The following RBM33 variants were observed in gnomAD, a reference collection of about 807,000 sequenced individuals.
RBM33 encodes the protein RNA-binding protein 33.
Under a neutral mutation model 132.6 loss-of-function variants are expected in RBM33, and 28 were observed. The ratio of observed to expected loss-of-function variants is 0.21; its 90% confidence interval spans 0.16 to 0.29. The LOEUF is 0.29. Among genes scored for constraint, RBM33 ranks in the 10% least tolerant of loss-of-function variants. The pLI is 1.00. For synonymous variants in RBM33, 634 were observed against 593.0 expected, an observed-to-expected ratio of 1.07 and a Z score of -1.01; for missense variants, 1,291 against 1,518.5, an observed-to-expected ratio of 0.85 and a Z score of 2.49.
intron 9 of RBM33, among the ~76,000 whole-genome samples, chr7:155,723,733 G>A (rs1800693201): frequency 6.6e-6 from 1 of 152,156 alleles, no homozygotes; most frequent in Non-Finnish European, 1.5e-5. Context: ...AAAGGCCAGG[G>A]GTACTCCTTG....
intron 14 of RBM33, among the ~76,000 whole-genome samples, chr7:155,762,919 C>T (rs1354618573): frequency 1.3e-5 from 2 of 152,206 alleles, no homozygotes; most frequent in Non-Finnish European, 2.9e-5. Context: ...CGGTGTCTGC[C>T]GTCCTTGCTG....
intron 11 of RBM33, 177 bp downstream of exon 11, chr7:155,738,580 C>G (rs1468735921): frequency 1.6e-6 from 1 of 628,670 alleles, no homozygotes; most frequent in Non-Finnish European, 2.6e-6. Context: ...TTACTTATCT[C>G]AATACAAGAA....
rs1029024239 is a variant in RBM33, at chr7:155,728,767, A to G, written c.1261-8763A>G. Among the ~76,000 whole-genome samples, 8 of 152,328 alleles carry G rather than the reference A, an allele frequency of 5.3e-5. No individual in the cohort carries two copies. The South Asian group carries it at 1.0e-3, about 20-fold the overall frequency. The stretch of plus-strand genomic sequence containing the variant: ...GATTAGGGACTGATTAGGGAATGTG[A>G]GAAAAATCCCTCCCCATTTGCTGTT... On this transcript the variant is annotated intron_variant, in intron 9 of 17. Coordinates refer to ENST00000401878, the MANE Select transcript of RBM33 (RefSeq NM_053043.3).
At chr7:155,763,541 A>G (rs1038380701) in intron 14 of RBM33, among the ~76,000 whole-genome samples, 2 of 152,244 alleles carry the variant, frequency 1.3e-5, no homozygotes, top group African/African-American at 2.4e-5. Context: ...GAATTCGACA[A>G]CATTTATTTT....
Position 155,735,029 on chromosome 7 carries a change from T to C in RBM33, c.1261-2501T>C, listed in dbSNP as rs143819400. ...AACTTACGATGGGGTTACATTAGGA[T>C]GAGGCCGCTGTAAGTTGCAAACATC... On this transcript the variant is annotated intron_variant, in intron 9 of 17. Coordinates refer to ENST00000401878, the MANE Select transcript of RBM33 (RefSeq NM_053043.3). 5.8e-3 allele frequency among the ~76,000 whole-genome samples: 881 copies of C among 152,330 alleles called. 12 individuals are homozygous for C. Among genetic ancestry groups the C allele is most frequent in the African/African-American group, 0.02 (849 of 41,562 alleles).
chr7:155,661,512 A>G (rs1244635382), intron 1 of RBM33, among the ~76,000 whole-genome samples: 1 of 151,120 alleles, frequency 6.6e-6, no homozygotes, highest in East Asian at 1.9e-4. Context: ...GGTTCAAGCA[A>G]TTCTCTTGGC....
chr7:155,658,692 C>T (rs573035015), intron 1 of RBM33, among the ~76,000 whole-genome samples: 3 of 152,338 alleles, frequency 2.0e-5, no homozygotes, highest in South Asian at 4.1e-4. Context: ...AGCCACCGCG[C>T]CCGGCTGCTT....
At chr7:155,653,530 C>G (rs540695287) in intron 1 of RBM33, among the ~76,000 whole-genome samples, 1 of 151,924 alleles carries the variant, frequency 6.6e-6, no homozygotes, top group African/African-American at 2.4e-5. Context: ...AAAACTAACC[C>G]CATGTTAAGA....
chr7:155,658,198 G>A (rs1018547204), intron 1 of RBM33, among the ~76,000 whole-genome samples: 3 of 151,860 alleles, frequency 2.0e-5, no homozygotes, highest in African/African-American at 4.8e-5. Context: ...CCCTTTGATC[G>A]GTATACAGTA....
At chr7:155,725,045 T>C (rs1800749231) in intron 9 of RBM33, among the ~76,000 whole-genome samples, 1 of 150,492 alleles carries the variant, frequency 6.6e-6, no homozygotes, top group East Asian at 2.0e-4. Flanking sequence ...TGTACAGATT[T>C]TTTTTGTGAA....
chr7:155,664,355 G>A (rs535306919), intron 1 of RBM33, among the ~76,000 whole-genome samples: 2 of 151,906 alleles, frequency 1.3e-5, no homozygotes, highest in East Asian at 1.9e-4. Context: ...CGGTTCAAGC[G>A]ATTCTCCTGC....
intron 3 of RBM33, among the ~76,000 whole-genome samples, chr7:155,677,886 C>A (rs948472338): frequency 6.6e-6 from 1 of 151,986 alleles, no homozygotes; most frequent in Non-Finnish European, 1.5e-5. Context: ...TTTACATATA[C>A]CATTTATACA....
In RBM33 at chr7:155,777,669, C is replaced by T. The variant is rs1369634880; in HGVS notation, c.*2628C>T. 1.3e-5 allele frequency: 2 copies of T among 152,596 alleles called. No homozygotes were observed. Among genetic ancestry groups the T allele is most frequent in the African/African-American group, 2.4e-5 (1 of 41,418 alleles). The allele number at this position is 152,596 out of a possible 1,614,324, so 9.5% of individuals were successfully genotyped here. On this transcript the variant is annotated 3_prime_UTR_variant, in exon 18 of 18. Coordinates refer to ENST00000401878, the MANE Select transcript of RBM33 (RefSeq NM_053043.3). ...TTTAGCATACCATGTAAATATGGAC[C>T]TTTTAAAATTAAAATACTATTGGAA... is the stretch of plus-strand genomic sequence containing the variant.
chr7:155,711,535 C>A, intron 8 of RBM33, 80 bp downstream of exon 8: 1 of 902,246 alleles, frequency 1.1e-6, no homozygotes, highest in Non-Finnish European at 1.6e-6. Flanking sequence ...TCCACTGACG[C>A]GTTTTTGACT....
chr7:155,646,929 T>G (rs1798213685), intron 1 of RBM33, among the ~76,000 whole-genome samples: 1 of 152,244 alleles, frequency 6.6e-6, no homozygotes. Context: ...ATGTTTTCTT[T>G]ACGAATAGGA....
At chr7:155,738,436 A>G (rs375666061) in intron 11 of RBM33, 33 bp downstream of exon 11, 55 of 1,563,428 alleles carry the variant, frequency 3.5e-5, no homozygotes, top group Non-Finnish European at 4.7e-5. Flanking sequence ...CCAGGGAAAA[A>G]ATGTGTAGCT....
intron 14 of RBM33, among the ~76,000 whole-genome samples, chr7:155,762,356 C>T (rs1399687145): frequency 1.3e-5 from 2 of 152,190 alleles, no homozygotes; most frequent in East Asian, 1.9e-4. Flanking sequence ...TACTGAGTTT[C>T]GGCTCTGTGC....
At chr7:155,676,165 G>A (rs781153436) in intron 3 of RBM33, among the ~76,000 whole-genome samples, 2 of 152,092 alleles carry the variant, frequency 1.3e-5, no homozygotes, top group African/African-American at 2.4e-5. Context: ...CGAGGGAGGC[G>A]CATAGTACTG....
chr7:155,679,153 C>CA (rs1394682420), intron 4 of RBM33, among the ~76,000 whole-genome samples: 1 of 151,646 alleles, frequency 6.6e-6, no homozygotes, highest in African/African-American at 2.4e-5. Flanking sequence ...GCCTGGGAGA[C>CA]AGAGTGAAAC....
Sources: allele counts gnomAD v4.1 joint callset (sites outside exome capture counted in the v4.1 genomes callset), GRCh38; gene constraint gnomAD v4.1.1; transcripts MANE v1.5; gene names NCBI Gene and HGNC (gene_info 2026-07-23, HGNC 2026-07-21).